Variants in CLTCL1 observed in about 807,000 individuals in gnomAD.
CLTCL1 encodes clathrin heavy chain 2.
In CLTCL1, 159 loss-of-function variants were observed where a neutral mutation model predicts 190.0. That is an observed-to-expected ratio of 0.84 (90% confidence interval 0.74 to 0.95). The LOEUF (loss-of-function observed/expected upper bound fraction) is 0.95, where lower values mean the gene tolerates loss of function less well. Ranked by LOEUF, CLTCL1 falls within the 40% of genes least tolerant of loss-of-function variation. The pLI is 0.00. For missense variants in CLTCL1, 1,878 were observed against 2,033.4 expected, an observed-to-expected ratio of 0.92 and a Z score of 1.47; for synonymous variants, 752 against 769.6, an observed-to-expected ratio of 0.98 and a Z score of 0.38.
chr22:19,284,538 T>C lies in CLTCL1; in HGVS notation c.42+7062A>G, dbSNP rs560897660. On this transcript the variant is annotated intron_variant, in intron 1 of 32. Coordinates refer to ENST00000427926, the MANE Select transcript of CLTCL1 (RefSeq NM_007098.4). The stretch of plus-strand genomic sequence containing the variant: ...AGCTGGGTGTGGTGGCGGGCACCTA[T>C]AATCCCAGCTACCTGGGAGGCTGAA... Among the ~76,000 whole-genome samples the C allele has an allele frequency of 2.0e-5, 3 of 152,066 alleles. No homozygotes were observed. In the South Asian group the frequency reaches 6.2e-4, roughly 32 times the overall value.
Position 19,276,726 on chromosome 22 carries a change from G to C in CLTCL1, c.43-896C>G, listed in dbSNP as rs530370048. Among the ~76,000 whole-genome samples, 5 of 152,258 alleles carry C rather than the reference G, an allele frequency of 3.3e-5. No individual in the cohort carries two copies. The East Asian group carries it at 7.7e-4, about 24-fold the overall frequency. On this transcript the variant is annotated intron_variant, in intron 1 of 32. Coordinates refer to ENST00000427926, the MANE Select transcript of CLTCL1 (RefSeq NM_007098.4). ...GCTCTGTTGCCCAGGCTGGAGTGCA[G>C]TGGTGCGATCTCGGCTCACTGCAAG...
At chr22:19,200,898 C>T (rs1233638670) in intron 23 of CLTCL1, among the ~76,000 whole-genome samples, 2 of 152,040 alleles carry the variant, frequency 1.3e-5, no homozygotes, top group East Asian at 3.9e-4. Context: ...GACCTTTAGG[C>T]TAATTTTAAT....
In CLTCL1 at chr22:19,191,328, G is replaced by A. The variant is rs1555931864; in HGVS notation, c.4299C>T (p.Thr1433=). The part of the protein sequence containing the change: ...LLVLSPRLDH[T]WTVSFFSKAG... The stretch of plus-strand genomic sequence containing the variant: ...CCTTTGAAAAGAAACTGACTGTCCA[G>A]GTGTGGTCCAGCCGGGGTGAAAGCA... Residue 1433 remains threonine (T), a synonymous_variant, in exon 27 of 33, where the codon ACC becomes ACT. Coordinates refer to ENST00000427926, the MANE Select transcript of CLTCL1 (RefSeq NM_007098.4). 2 of 1,614,014 alleles carry A rather than the reference G, an allele frequency of 1.2e-6. No individual in the cohort carries two copies. Among genetic ancestry groups the A allele is most frequent in the South Asian group, 1.1e-5 (1 of 91,080 alleles).
At chr22:19,241,080 C>T (rs2086239727) in intron 4 of CLTCL1, among the ~76,000 whole-genome samples, 1 of 152,212 alleles carries the variant, frequency 6.6e-6, no homozygotes, top group South Asian at 2.1e-4. Context: ...CACAGGGCCG[C>T]TCCAGGACAG....
intron 2 of CLTCL1, 142 bp from the exon 3 acceptor site, chr22:19,254,369 C>A (rs531421601): frequency 1.8e-5 from 13 of 715,530 alleles, no homozygotes; most frequent in African/African-American, 1.8e-5. Context: ...AAGATGCTGC[C>A]AGAGTAGTAA....
intron 2 of CLTCL1, among the ~76,000 whole-genome samples, chr22:19,274,161 C>T (rs902581387): frequency 1.3e-5 from 2 of 152,158 alleles, no homozygotes; most frequent in Non-Finnish European, 2.9e-5. Context: ...AATAAGGCCT[C>T]TCAAAAGTAC....
intron 2 of CLTCL1, among the ~76,000 whole-genome samples, chr22:19,260,975 A>C (rs1197189698): frequency 6.6e-6 from 1 of 151,960 alleles, no homozygotes; most frequent in East Asian, 1.9e-4. Flanking sequence ...GCTCTTTGAC[A>C]ATGCACCTGG....
chr22:19,191,345 G>T lies in CLTCL1; in HGVS notation c.4282C>A (p.Pro1428Thr). 1 of 1,614,016 alleles carries T rather than the reference G, an allele frequency of 6.2e-7. No individual in the cohort carries two copies. Among genetic ancestry groups the T allele is most frequent in the South Asian group, 1.1e-5 (1 of 91,090 alleles). The part of the protein sequence containing the change: ...LINDLLLVLS[P>T]RLDHTWTVSF... ...ACTGTCCAGGTGTGGTCCAGCCGGGGTGAAAGCACCAGCAGCAGGTCATTG... is the reference window on the plus strand; with the variant it reads ...ACTGTCCAGGTGTGGTCCAGCCGGGTTGAAAGCACCAGCAGCAGGTCATTG... The change falls in exon 27 of 33, where the codon CCC (proline) becomes ACC (threonine). Residue 1428 changes from proline to threonine, a missense_variant. Transcript: ENST00000427926.
At chr22:19,184,290 A>G in intron 29 of CLTCL1, 1 of 349,624 alleles carries the variant, frequency 2.9e-6, no homozygotes, top group South Asian at 2.1e-5. Flanking sequence ...GCCCAGGGCC[A>G]CTCCACCTGG....
intron 2 of CLTCL1, among the ~76,000 whole-genome samples, chr22:19,274,100 G>A (rs561701291): frequency 3.9e-5 from 6 of 152,130 alleles, no homozygotes; most frequent in Non-Finnish European, 7.3e-5. Context: ...GATCATTTCT[G>A]AGACCTGCTG....
intron 2 of CLTCL1, among the ~76,000 whole-genome samples, chr22:19,264,247 T>TA (rs34703407): frequency 0.022 from 3,023 of 137,480 alleles, 45 homozygotes; most frequent in Non-Finnish European, 0.032. Context: ...TACAGTCTCT[T>TA]AAAAAAAAAA....
intron 2 of CLTCL1, among the ~76,000 whole-genome samples, chr22:19,262,498 G>T (rs1555976038): frequency 2.6e-5 from 4 of 151,384 alleles, no homozygotes; most frequent in Non-Finnish European, 5.9e-5. Flanking sequence ...TGGGCTTGGT[G>T]GCAGGTGCCT....
intron 22 of CLTCL1, among the ~76,000 whole-genome samples, chr22:19,203,315 C>CA (rs1393681351): frequency 6.6e-6 from 1 of 152,124 alleles, no homozygotes; most frequent in Non-Finnish European, 1.5e-5. Flanking sequence ...AACTCCATCT[C>CA]AAAAATAAAT....
At chr22:19,187,883 A>G (rs1601439793) in intron 28 of CLTCL1, 98 bp downstream of exon 28, 3 of 1,385,266 alleles carry the variant, frequency 2.2e-6, no homozygotes, top group African/African-American at 1.4e-5. Context: ...GGGCCTGCAC[A>G]CCCTCCTGTG....
In CLTCL1 at chr22:19,201,452, G is replaced by T. The variant is rs376291519; in HGVS notation, c.3642C>A (p.Ala1214=). ...RCYEEGMYEA[A]KLLYSNVSNF... is the part of the protein sequence containing the mutation. Reference sequence around the variant, plus strand: ...TAGAAACATTGCTATAGAGCAGCTTGGCAGCCTCGTACATTCCCTCCTCGT... The same window carrying T: ...TAGAAACATTGCTATAGAGCAGCTTTGCAGCCTCGTACATTCCCTCCTCGT... The change falls in exon 23 of 33, where the codon GCC becomes GCA. Residue 1214 remains alanine (A), a synonymous_variant. Coordinates refer to ENST00000427926, the MANE Select transcript of CLTCL1 (RefSeq NM_007098.4). 1.2e-6 allele frequency: 2 copies of T among 1,613,700 alleles called. No individual in the cohort carries two copies. The highest frequency in any genetic ancestry group is 2.2e-5 in the South Asian group (2 of 91,084).
intron 22 of CLTCL1, 86 bp from the exon 23 acceptor site, chr22:19,201,579 G>A (rs1601498312): frequency 8.7e-6 from 12 of 1,380,980 alleles, no homozygotes; most frequent in Middle Eastern, 1.9e-4. Context: ...GATGGCAGAG[G>A]TATTTTTCTG....
rs1555994054 is a variant in CLTCL1, at chr22:19,291,654, A to G, written c.-13T>C. ...GGATCTGCGCCATGGCTGGTGCGGG[A>G]CCTCGGCGGCGGCGGCGGCAGCGGC... On this transcript the variant is annotated 5_prime_UTR_variant, in exon 1 of 33. Transcript: ENST00000427926. 7.3e-7 allele frequency: 1 copy of G among 1,376,682 alleles called. No homozygotes were observed. The highest frequency in any genetic ancestry group is 9.5e-7 in the Non-Finnish European group (1 of 1,052,116). 85.3% of individuals were successfully genotyped at this position (1,376,682 alleles called of 1,614,324 possible). A position where few individuals can be genotyped will look rare whatever the true frequency, so the allele number is the denominator to read the frequency against.
chr22:19,194,119 C>T (rs1211165553), intron 26 of CLTCL1, among the ~76,000 whole-genome samples: 4 of 152,182 alleles, frequency 2.6e-5, no homozygotes, highest in African/African-American at 9.7e-5. Flanking sequence ...ACGTTTTTTA[C>T]AGAGTGCTGA....
chr22:19,187,411 A>C, intron 29 of CLTCL1, 147 bp downstream of exon 29: 1 of 722,782 alleles, frequency 1.4e-6, no homozygotes, highest in Non-Finnish European at 2.3e-6. Flanking sequence ...TCTCCCATTA[A>C]TACTAATCCC....
Sources: gnomAD v4.1 joint callset for allele counts (sites outside exome capture counted in the v4.1 genomes callset) on GRCh38, gnomAD v4.1.1 for gene constraint, MANE v1.5 for transcripts, NCBI Gene and HGNC (gene_info 2026-07-23, HGNC 2026-07-21) for gene names.